Variants in TPRA1 observed in about 807,000 individuals in gnomAD.
TPRA1 encodes transmembrane protein adipocyte associated 1.
TPRA1 carries 28 observed loss-of-function variants against 40.1 expected under a neutral mutation model. The ratio of observed to expected loss-of-function variants is 0.70; its 90% CI spans 0.52 to 0.96. The LOEUF (loss-of-function observed/expected upper bound fraction) is 0.96, where lower values mean the gene tolerates loss of function less well. Ranked by LOEUF, TPRA1 falls within the 40% of genes least tolerant of loss-of-function variation. The pLI, the probability that TPRA1 is intolerant of heterozygous loss-of-function variation, is 0.00. For missense variants in TPRA1, 441 were observed against 482.6 expected, an observed-to-expected ratio of 0.91 and a Z score of 0.81; for synonymous variants, 219 against 209.7, an observed-to-expected ratio of 1.04 and a Z score of -0.38.
At chr3:127,580,289 C>T in intron 1 of TPRA1, 126 bp from the exon 2 acceptor site, 3 of 1,087,028 alleles carry the variant, frequency 2.8e-6, no homozygotes, top group Non-Finnish European at 2.6e-6. Flanking sequence ...CCACCCTCCC[C>T]ACCCACTGCA....
rs372724900 is a variant in TPRA1 at position 127,573,355 on chromosome 3, G to A, written c.*166C>T. ...CCAGTGAGAGCAGAGATGGCAAAGG[G>A]GATTGGGAGCCCCAGGGAGGTGGGG... On this transcript the variant is annotated 3_prime_UTR_variant, in exon 11 of 11. Coordinates refer to ENST00000355552, the MANE Select transcript of TPRA1 (RefSeq NM_001136053.4). The A allele has an allele frequency of 1.2e-5, 10 of 854,920 alleles. No homozygotes were observed. The African/African-American group carries it at 1.7e-4, about 15-fold the overall frequency. 53.0% of individuals were successfully genotyped at this position (854,920 alleles called of 1,614,324 possible).
In TPRA1 at chr3:127,573,597, T is replaced by C. The variant is rs770702483; in HGVS notation, c.1046A>G (p.Asp349Gly). The stretch of plus-strand genomic sequence containing the variant: ...AGTGTGGCAGGGCATGGAAGCGATG[T>C]CATCCAGGTAGGCCACCCCGCCGGC... ...DSAGGVAYLD[D>G]IASMPCHTGS... The change falls in exon 11 of 11, where the codon GAC (aspartate) becomes GGC (glycine). Residue 349 changes from aspartate to glycine, a missense_variant. Transcript: ENST00000355552. The C allele has an allele frequency of 1.2e-6, 2 of 1,613,156 alleles. No homozygotes were observed. The highest frequency in any genetic ancestry group is 2.7e-5 in the African/African-American group (2 of 75,054).
At chr3:127,579,029 AAGCCCACACCTGGCACCTATACTGGGAC>A (rs576755663) in intron 3 of TPRA1, among the ~76,000 whole-genome samples, 119 of 151,516 alleles carry the variant, frequency 7.9e-4, no homozygotes, top group Non-Finnish European at 1.4e-3. Flanking sequence ...CCCACACCTG[AAGCCCACACCTGGCACCTATACTGGGAC>A]AGCCCACACC....
chr3:127,580,684 C>CA (rs1482963761), intron 1 of TPRA1, among the ~76,000 whole-genome samples: 6 of 152,374 alleles, frequency 3.9e-5, no homozygotes, highest in African/African-American at 1.4e-4. Flanking sequence ...ATGCAGAACT[C>CA]AGAGGCCACT....
chr3:127,593,511 TGA>T (rs1247677515), upstream of TPRA1, among the ~76,000 whole-genome samples: 3 of 151,878 alleles, frequency 2.0e-5, no homozygotes, highest in Non-Finnish European at 4.4e-5. Flanking sequence ...GTCTATGGGG[TGA>T]GAGTGATGGT....
In TPRA1 at chr3:127,572,949, C is replaced by T. The variant is rs1326845811; in HGVS notation, c.*572G>A. On this transcript the variant is annotated 3_prime_UTR_variant, in exon 11 of 11. Transcript: ENST00000355552. ...CCCAGCAGCCAGCCCAGGGCTTGGG[C>T]ACTGGGGACTGCTCCTTGGTTGAGC... 1 of 152,312 alleles carries T rather than the reference C, an allele frequency of 6.6e-6. No individual in the cohort carries two copies. Among genetic ancestry groups the T allele is most frequent in the African/African-American group, 2.4e-5 (1 of 41,466 alleles). 9.4% of individuals were successfully genotyped at this position (152,312 alleles called of 1,614,324 possible).
Position 127,576,160 on chromosome 3 carries a change from C to A in TPRA1, c.499-110G>T. On this transcript the variant is annotated intron_variant, in intron 6 of 10. Transcript: ENST00000355552. The surrounding 1 kb of genome is among the most constrained non-coding windows in gnomAD (Gnocchi z 4.6). Reference sequence around the variant, plus strand: ...AAGCTCTCCACCACACCAAGTTCAGCCTCTTGGCCTGACCCTCAACTCACC... The same window carrying A: ...AAGCTCTCCACCACACCAAGTTCAGACTCTTGGCCTGACCCTCAACTCACC... 1 of 842,914 alleles carries A rather than the reference C, an allele frequency of 1.2e-6. No homozygotes were observed. The highest frequency in any genetic ancestry group is 1.5e-5 in the South Asian group (1 of 64,658). 52.2% of individuals were successfully genotyped at this position (842,914 alleles called of 1,614,324 possible).
intron 1 of TPRA1, among the ~76,000 whole-genome samples, chr3:127,583,300 T>C (rs1362422598): frequency 7.0e-6 from 1 of 143,848 alleles, no homozygotes; most frequent in Non-Finnish European, 1.5e-5. Context: ...GCAACAAGAG[T>C]GAAACTCCAT....
chr3:127,584,490 T>C (rs2073940162), intron 1 of TPRA1, among the ~76,000 whole-genome samples: 1 of 108,542 alleles, frequency 9.2e-6, no homozygotes, highest in Admixed American at 1.1e-4. Context: ...AGAAGCAAAC[T>C]TCTAGAGATA....
At chr3:127,589,825 G>A (rs1362720951) in intron 1 of TPRA1, among the ~76,000 whole-genome samples, 2 of 152,200 alleles carry the variant, frequency 1.3e-5, no homozygotes, top group East Asian at 1.9e-4. Context: ...CCCTCAACAG[G>A]TTGTTATGAC....
chr3:127,576,685 T>A lies in TPRA1; in HGVS notation c.430A>T (p.Ser144Cys). The A allele has an allele frequency of 1.9e-6, 3 of 1,610,332 alleles. No individual in the cohort carries two copies. The highest frequency in any genetic ancestry group is 2.5e-6 in the Non-Finnish European group (3 of 1,178,400). Residue 144 changes from serine to cysteine, a missense_variant, in exon 6 of 11, where the codon AGT (serine) becomes TGT (cysteine). Transcript: ENST00000355552. The surrounding 1 kb of genome is among the most constrained non-coding windows in gnomAD (Gnocchi z 4.6). The part of the protein sequence containing the change: ...ILGLAFGHLE[S>C]KSSIKRVLAI... ...AGCACCCGCTTGATGCTGGACTTAC[T>A]CTCCAGGTGGCCTGGAAGAAACATG...
In TPRA1 at chr3:127,590,434, ACCGGCCGCC is replaced by A. The variant is rs543265267; in HGVS notation, c.-51_-43del. ...CCTGACAGCCCGGGCCGCGCTCAGGACCGGCCGCCCCGGCCGCCCCGGCCGCCCATCCGC... is the reference window on the plus strand; with the variant it reads ...CCTGACAGCCCGGGCCGCGCTCAGGACCGGCCGCCCCGGCCGCCCATCCGC... On this transcript the variant is annotated 5_prime_UTR_variant, in exon 1 of 11. Coordinates refer to ENST00000355552, the MANE Select transcript of TPRA1 (RefSeq NM_001136053.4). 0.14 allele frequency: 21,518 copies of A among 152,046 alleles called. 2,042 individuals carry two copies. Among genetic ancestry groups the A allele is most frequent in the Non-Finnish European group, 0.2 (13,547 of 67,994 alleles). 9.4% of individuals were successfully genotyped at this position (152,046 alleles called of 1,614,324 possible).
upstream of TPRA1, chr3:127,590,960 C>A (rs995624601): frequency 2.6e-5 from 4 of 152,308 alleles, no homozygotes; most frequent in African/African-American, 9.6e-5. Flanking sequence ...GTTTCTCACT[C>A]GGAAAGCGGG....
At position 127,573,306 on chromosome 3, in the gene TPRA1, C is replaced by G. The variant is rs780966746; in HGVS notation, c.*215G>C. The G allele has an allele frequency of 6.9e-6, 4 of 578,264 alleles. No individual in the cohort carries two copies. Among genetic ancestry groups the G allele is most frequent in the Non-Finnish European group, 1.2e-5 (4 of 336,840 alleles). The allele number at this position is 578,264 out of a possible 1,614,324, so 35.8% of individuals were successfully genotyped here. ...GCCATGTCACTGAGCAGTATGAGAGCAGGTGGGAAGGGGAGGAGGGTCCCC... is the reference window on the plus strand; with the variant it reads ...GCCATGTCACTGAGCAGTATGAGAGGAGGTGGGAAGGGGAGGAGGGTCCCC... On this transcript the variant is annotated 3_prime_UTR_variant, in exon 11 of 11. Coordinates refer to ENST00000355552, the MANE Select transcript of TPRA1 (RefSeq NM_001136053.4).
intron 10 of TPRA1, chr3:127,574,900 G>C (rs574189088): frequency 4.1e-6 from 2 of 489,028 alleles, no homozygotes; most frequent in Non-Finnish European, 7.5e-6. Flanking sequence ...GCATATGCCC[G>C]TGTGTATCCG....
At chr3:127,596,030 C>T (rs1338013150) in intron 1 of TPRA1, among the ~76,000 whole-genome samples, 1 of 152,176 alleles carries the variant, frequency 6.6e-6, no homozygotes, top group Non-Finnish European at 1.5e-5. Context: ...CCCTGATCCA[C>T]AGACACCGAG....
rs763572101 is a variant in TPRA1 at position 127,576,095 on chromosome 3, C to T, written c.499-45G>A. The T allele has an allele frequency of 6.8e-5, 101 of 1,474,662 alleles. No individual in the cohort carries two copies. The highest frequency in any genetic ancestry group is 7.6e-6 in the Non-Finnish European group (8 of 1,058,962). The allele number at this position is 1,474,662 out of a possible 1,614,324, so 91.3% of individuals were successfully genotyped here. The stretch of plus-strand genomic sequence containing the variant: ...GGGAGGAAGGGAGAGGATCTCAAGG[C>T]TTCTCTCTCCCAGGGGCTTTCCCTG... On this transcript the variant is annotated intron_variant, in intron 6 of 10. Transcript: ENST00000355552. This position sits in a 1 kb window ranked among gnomAD's most constrained non-coding sequence, Gnocchi z 4.6.
chr3:127,587,163 A>G (rs2074026774), intron 1 of TPRA1: 1 of 152,226 alleles, frequency 6.6e-6, no homozygotes, highest in African/African-American at 2.4e-5. Context: ...TATTAGAGCA[A>G]AAGTCTCAGG....
At chr3:127,575,093 A>G (rs2073544165) in intron 10 of TPRA1, 92 bp downstream of exon 10, 3 of 1,416,954 alleles carry the variant, frequency 2.1e-6, no homozygotes, top group Non-Finnish European at 3.0e-6. Flanking sequence ...GTATGCATAC[A>G]CAGCCTCTCA....
Sources: allele counts gnomAD v4.1 joint callset (sites outside exome capture counted in the v4.1 genomes callset), GRCh38; gene constraint gnomAD v4.1.1; non-coding constraint Gnocchi (gnomAD v3.1); transcripts MANE v1.5; gene names NCBI Gene and HGNC (gene_info 2026-07-23, HGNC 2026-07-21).